The following NRXN3 variants were observed in gnomAD, a reference collection of about 807,000 sequenced individuals.
NRXN3 encodes neurexin III.
A neutral mutation model predicts 137.6 loss-of-function variants in NRXN3; 32 were observed. The ratio of observed to expected loss-of-function variants is 0.23; its 90% CI spans 0.18 to 0.31. The LOEUF is 0.31. Among genes scored for constraint, NRXN3 ranks in the 10% least tolerant of loss-of-function variants. The pLI is 1.00. For synonymous variants in NRXN3, 798 were observed against 784.5 expected (o/e 1.02, Z -0.29); for missense variants, 1,574 against 2,062.5 (o/e 0.76, Z 4.59).
chr14:78,400,251 C>A (rs533480948), intron 4 of NRXN3, among the ~76,000 whole-genome samples: 1 of 152,262 alleles, frequency 6.6e-6, no homozygotes, highest in South Asian at 2.1e-4. Flanking sequence ...GTAGTTATTC[C>A]CTCCATCCAT....
chr14:78,506,307 A>G (rs1328372447), intron 4 of NRXN3, among the ~76,000 whole-genome samples: 1 of 152,162 alleles, frequency 6.6e-6, no homozygotes, highest in African/African-American at 2.4e-5. Context: ...TCTTTTAAAA[A>G]ACTAAATAAT....
intron 16 of NRXN3, among the ~76,000 whole-genome samples, chr14:79,612,782 G>C (rs1448642478): frequency 6.6e-6 from 1 of 152,082 alleles, no homozygotes; most frequent in Non-Finnish European, 1.5e-5. Flanking sequence ...GGAGTTCAAG[G>C]CTGCAGTGAA....
intron 4 of NRXN3, among the ~76,000 whole-genome samples, chr14:78,428,139 T>A (rs1420344402): frequency 6.6e-6 from 1 of 152,218 alleles, no homozygotes; most frequent in Non-Finnish European, 1.5e-5. Context: ...ACCACAAACA[T>A]AGCACCTGCC....
intron 10 of NRXN3, among the ~76,000 whole-genome samples, chr14:78,889,078 A>G (rs1028677141): frequency 6.6e-6 from 1 of 152,032 alleles, no homozygotes; most frequent in African/African-American, 2.4e-5. Flanking sequence ...TATGATAAAA[A>G]TATTGACTTT....
In NRXN3 at chr14:78,968,334, C is replaced by T. The variant is rs753913749; in HGVS notation, c.3130C>T (p.Arg1044Cys). 6.8e-6 allele frequency: 11 copies of T among 1,613,208 alleles called. No homozygotes were observed. The highest frequency in any genetic ancestry group is 3.3e-5 in the South Asian group (3 of 91,012). Reference sequence around the variant, plus strand: ...TCTTCATCGGAGCGGACAGATCGAGCGTGGCTGTGAAGGTACAACCTATTT... The same window carrying T: ...TCTTCATCGGAGCGGACAGATCGAGTGTGGCTGTGAAGGTACAACCTATTT... ...DALHRSGQIE[R>C]GCEGPSTTCQ... The change falls in exon 14 of 21, where the codon CGT becomes TGT. Residue 1044 changes from arginine (R) to cysteine (C), a missense_variant. By Grantham distance (180) the Arg-to-Cys change is radical. This residue lies in a region of NRXN3 where 718 missense variants were observed against 887.6 expected (regional missense o/e 0.81). Coordinates refer to ENST00000335750, the MANE Select transcript of NRXN3 (RefSeq NM_001330195.2).
chr14:79,643,474 T>G (rs1355893180), intron 16 of NRXN3, among the ~76,000 whole-genome samples: 2 of 135,408 alleles, frequency 1.5e-5, no homozygotes, highest in African/African-American at 4.9e-5. Flanking sequence ...TACTGAAATA[T>G]ATGTAAGATT....
intron 4 of NRXN3, among the ~76,000 whole-genome samples, chr14:78,570,404 A>G (rs1173164205): frequency 6.6e-6 from 1 of 152,208 alleles, no homozygotes; most frequent in African/African-American, 2.4e-5. Context: ...CACCCAGTCT[A>G]TGGTACTTAG....
chr14:78,551,596 C>G (rs1467125559), intron 4 of NRXN3, among the ~76,000 whole-genome samples: 1 of 151,224 alleles, frequency 6.6e-6, no homozygotes, highest in South Asian at 2.1e-4. Context: ...TCTCATTTCC[C>G]TTCCTTTATT....
chr14:79,227,676 TG>T (rs148603533), intron 15 of NRXN3, among the ~76,000 whole-genome samples: 4,177 of 152,200 alleles, frequency 0.027, 139 homozygotes, highest in South Asian at 0.085. Context: ...CACTTTGTTG[TG>T]CCTCTCTGCT....
intron 16 of NRXN3, among the ~76,000 whole-genome samples, chr14:79,476,501 A>G (rs1176173486): frequency 6.6e-6 from 1 of 152,076 alleles, no homozygotes; most frequent in Non-Finnish European, 1.5e-5. Context: ...TAAGGCTCAT[A>G]TTCTATTTTT....
chr14:78,328,115 A>C (rs2080327301), intron 4 of NRXN3, among the ~76,000 whole-genome samples: 1 of 152,188 alleles, frequency 6.6e-6, no homozygotes, highest in South Asian at 2.1e-4. Flanking sequence ...CAAAGCCGAC[A>C]CACAGGGGAT....
intron 4 of NRXN3, among the ~76,000 whole-genome samples, chr14:78,628,228 G>A (rs751184418): frequency 7.2e-5 from 11 of 151,898 alleles, no homozygotes; most frequent in Non-Finnish European, 1.3e-4. Flanking sequence ...ACATGCCACC[G>A]TGCCCAGATA....
chr14:79,543,066 C>G (rs1287626105), intron 16 of NRXN3, among the ~76,000 whole-genome samples: 1 of 152,150 alleles, frequency 6.6e-6, no homozygotes, highest in African/African-American at 2.4e-5. Context: ...GCCTGCGATA[C>G]TGGCTTCTGT....
intron 15 of NRXN3, among the ~76,000 whole-genome samples, chr14:79,423,054 A>G (rs1235909923): frequency 1.3e-5 from 2 of 152,118 alleles, no homozygotes; most frequent in Admixed American, 1.3e-4. Context: ...AATGGTATGG[A>G]GAAGGGCTTT....
intron 4 of NRXN3, among the ~76,000 whole-genome samples, chr14:78,618,813 T>G (rs2097370871): frequency 6.6e-6 from 1 of 152,226 alleles, no homozygotes; most frequent in Non-Finnish European, 1.5e-5. Context: ...TGGTAACATT[T>G]TTTAGTGCTT....
intron 4 of NRXN3, among the ~76,000 whole-genome samples, chr14:78,329,403 G>A (rs555535428): frequency 1.4e-4 from 21 of 152,206 alleles, no homozygotes; most frequent in African/African-American, 4.6e-4. Context: ...AAATAAATTG[G>A]CTGATTTGTC....
At chr14:78,779,659 C>A (rs1409447217) in intron 8 of NRXN3, among the ~76,000 whole-genome samples, 1 of 152,060 alleles carries the variant, frequency 6.6e-6, no homozygotes, top group African/African-American at 2.4e-5. Context: ...TAATTATCCT[C>A]TCCCTACAAT....
intron 15 of NRXN3, among the ~76,000 whole-genome samples, chr14:79,230,086 G>A (rs2071870049): frequency 1.3e-5 from 2 of 152,252 alleles, no homozygotes; most frequent in Admixed American, 6.5e-5. Context: ...GCTGCACTTT[G>A]TATCTGGACT....
At chr14:79,348,852 A>G (rs561565498) in intron 15 of NRXN3, among the ~76,000 whole-genome samples, 4 of 152,272 alleles carry the variant, frequency 2.6e-5, no homozygotes, top group Admixed American at 2.6e-4. Flanking sequence ...TAGCTCCACT[A>G]CGTAGTCCAT....
Sources: gnomAD v4.1 joint callset for allele counts (sites outside exome capture counted in the v4.1 genomes callset) on GRCh38, gnomAD v4.1.1 for gene constraint, gnomAD v4.1.1 regional missense constraint, MANE v1.5 for transcripts, NCBI Gene and HGNC (gene_info 2026-07-23, HGNC 2026-07-21) for gene names.